The following SLC6A2 variants were observed in gnomAD, a reference collection of about 807,000 sequenced individuals.
SLC6A2 encodes the protein sodium-dependent noradrenaline transporter.
Under a neutral mutation model 71.7 loss-of-function variants are expected in SLC6A2, and 26 were observed. That is an observed-to-expected ratio of 0.36 (90% confidence interval 0.27 to 0.50). SLC6A2 has a LOEUF of 0.50. Ranked by LOEUF, SLC6A2 falls within the 20% of genes least tolerant of loss-of-function variation. The probability of loss-of-function intolerance (pLI) is 0.96; values close to 1 mark genes in which losing one functional copy is unlikely to be tolerated. For missense variants in SLC6A2, 581 were observed against 803.9 expected, an observed-to-expected ratio of 0.72 and a Z score of 3.35; for synonymous variants, 363 against 337.9, an observed-to-expected ratio of 1.07 and a Z score of -0.82.
At chr16:55,699,789 G>C (rs779080671) in intron 12 of SLC6A2, 135 bp downstream of exon 12, 1 of 734,378 alleles carries the variant, frequency 1.4e-6, no homozygotes, top group Non-Finnish European at 2.4e-6. Context: ...GGGGTCACTT[G>C]GGATGCTTGG....
At chr16:55,700,388 G>T in intron 13 of SLC6A2, 82 bp downstream of exon 13, 2 of 1,276,642 alleles carry the variant, frequency 1.6e-6, no homozygotes, top group East Asian at 2.4e-5. Flanking sequence ...CTGTTGGGGT[G>T]GGGGAAGGGA....
chr16:55,656,284 G>C lies in SLC6A2; in HGVS notation c.-52+115G>C, dbSNP rs1032525064. Reference sequence around the variant, plus strand: ...GCAGTGACGTTAAGTGTCCGAGAAGGCTCCTGTGGCTGTTGAAGTGTCGCG... The same window carrying C: ...GCAGTGACGTTAAGTGTCCGAGAAGCCTCCTGTGGCTGTTGAAGTGTCGCG... On this transcript the variant is annotated intron_variant, in intron 1 of 14. Coordinates refer to ENST00000568943, the MANE Select transcript of SLC6A2 (RefSeq NM_001172501.3). The surrounding 1 kb of genome is among the most constrained non-coding windows in gnomAD (Gnocchi z 4.5). 7 of 324,586 alleles carry C rather than the reference G, an allele frequency of 2.2e-5. No homozygotes were observed. The highest frequency in any genetic ancestry group is 1.2e-4 in the South Asian group (4 of 34,704). The allele number at this position is 324,586 out of a possible 1,614,324, so 20.1% of individuals were successfully genotyped here.
At chr16:55,700,774 G>C (rs1333166295) in intron 13 of SLC6A2, among the ~76,000 whole-genome samples, 1 of 152,090 alleles carries the variant, frequency 6.6e-6, no homozygotes, top group Non-Finnish European at 1.5e-5. Flanking sequence ...CTAAACCAGA[G>C]ATTTCTGAAC....
At chr16:55,668,889 G>A (rs1400098642) in intron 2 of SLC6A2, among the ~76,000 whole-genome samples, 1 of 152,104 alleles carries the variant, frequency 6.6e-6, no homozygotes, top group Non-Finnish European at 1.5e-5. Flanking sequence ...ATGTGAATCC[G>A]GCTTCCATCA....
chr16:55,658,068 C>G (rs895104346), intron 2 of SLC6A2, among the ~76,000 whole-genome samples: 1 of 152,198 alleles, frequency 6.6e-6, no homozygotes, highest in East Asian at 1.9e-4. Context: ...TGACTCTGGA[C>G]TTAAGGGAGG....
intron 7 of SLC6A2, among the ~76,000 whole-genome samples, chr16:55,694,824 G>T (rs1287211849): frequency 1.3e-5 from 2 of 152,182 alleles, no homozygotes; most frequent in African/African-American, 4.8e-5. Flanking sequence ...GGAGTGGACT[G>T]CATGCACTGG....
At chr16:55,681,861 C>T (rs1248549156) in intron 4 of SLC6A2, among the ~76,000 whole-genome samples, 1 of 152,142 alleles carries the variant, frequency 6.6e-6, no homozygotes, top group East Asian at 1.9e-4. Flanking sequence ...CAGGGAAGGA[C>T]GATATATTAA....
intron 5 of SLC6A2, among the ~76,000 whole-genome samples, chr16:55,689,442 A>G (rs1351813334): frequency 6.6e-6 from 1 of 152,240 alleles, no homozygotes; most frequent in African/African-American, 2.4e-5. Context: ...ATGGCCAACA[A>G]ACATGGCCAA....
At chr16:55,688,128 T>C (rs1188946069) in intron 5 of SLC6A2, among the ~76,000 whole-genome samples, 1 of 152,228 alleles carries the variant, frequency 6.6e-6, no homozygotes. Context: ...CTGTGCTCTG[T>C]CTTTAATTGT....
At chr16:55,681,881 C>T (rs1451022052) in intron 4 of SLC6A2, among the ~76,000 whole-genome samples, 1 of 152,164 alleles carries the variant, frequency 6.6e-6, no homozygotes, top group Non-Finnish European at 1.5e-5. Flanking sequence ...AGCTGTTTGC[C>T]TTTAACACTT....
At chr16:55,700,769 C>T (rs1440382678) in intron 13 of SLC6A2, among the ~76,000 whole-genome samples, 1 of 152,130 alleles carries the variant, frequency 6.6e-6, no homozygotes, top group Non-Finnish European at 1.5e-5. Context: ...TCAGCCTAAA[C>T]CAGAGATTTC....
intron 5 of SLC6A2, among the ~76,000 whole-genome samples, chr16:55,690,740 C>A (rs915084813): frequency 6.6e-6 from 1 of 152,176 alleles, no homozygotes; most frequent in African/African-American, 2.4e-5. Context: ...TTCAGGCCTA[C>A]CCCTGACCAA....
At chr16:55,679,710 A>T (rs1211810310) in intron 4 of SLC6A2, among the ~76,000 whole-genome samples, 2 of 152,214 alleles carry the variant, frequency 1.3e-5, no homozygotes, top group Non-Finnish European at 2.9e-5. Flanking sequence ...AAGGAACAGA[A>T]GGTCCCAAGG....
chr16:55,681,536 T>C (rs1324274999), intron 4 of SLC6A2, among the ~76,000 whole-genome samples: 2 of 152,254 alleles, frequency 1.3e-5, no homozygotes, highest in African/African-American at 4.8e-5. Flanking sequence ...TTTTCCTTCA[T>C]ATTCTTTCAA....
chr16:55,685,008 G>A, intron 4 of SLC6A2, 135 bp from the exon 5 acceptor site: 1 of 834,676 alleles, frequency 1.2e-6, no homozygotes, highest in Non-Finnish European at 2.0e-6. Flanking sequence ...CAGTGGCTAG[G>A]GTCCCTGAGT....
At chr16:55,679,518 C>T (rs1258386319) in intron 4 of SLC6A2, among the ~76,000 whole-genome samples, 4 of 152,258 alleles carry the variant, frequency 2.6e-5, no homozygotes, top group African/African-American at 9.6e-5. Context: ...TGAGCCACCA[C>T]ACCCAGCCTG....
intron 5 of SLC6A2, among the ~76,000 whole-genome samples, chr16:55,690,393 C>A (rs1442076934): frequency 1.3e-5 from 2 of 152,138 alleles, no homozygotes; most frequent in African/African-American, 4.8e-5. Flanking sequence ...TTTTCTATAT[C>A]CCCATTTTTT....
intron 4 of SLC6A2, among the ~76,000 whole-genome samples, chr16:55,679,527 TG>T (rs1279832435): frequency 6.6e-6 from 1 of 152,246 alleles, no homozygotes; most frequent in African/African-American, 2.4e-5. Flanking sequence ...ACACCCAGCC[TG>T]GTCCTCTGTC....
chr16:55,701,975 C>T lies in SLC6A2; in HGVS notation c.1830+41C>T, dbSNP rs11568332. 202 of 1,482,806 alleles carry T rather than the reference C, an allele frequency of 1.4e-4. No individual in the cohort carries two copies. The African/African-American group carries it at 2.1e-3, about 15-fold the overall frequency. The allele number at this position is 1,482,806 out of a possible 1,614,324, so 91.9% of individuals were successfully genotyped here. A position where few individuals can be genotyped will look rare whatever the true frequency, so the allele number is the denominator to read the frequency against. ...ACCCCTGGGGTGGAGATTACAAGGG[C>T]GGGCCCTGGCTGTTCCCTGCTGTGC... On this transcript the variant is annotated intron_variant, in intron 14 of 14. Coordinates refer to ENST00000568943, the MANE Select transcript of SLC6A2 (RefSeq NM_001172501.3).
Sources: allele counts gnomAD v4.1 joint callset (sites outside exome capture counted in the v4.1 genomes callset), GRCh38; gene constraint gnomAD v4.1.1; non-coding constraint Gnocchi (gnomAD v3.1); transcripts MANE v1.5; gene names NCBI Gene and HGNC (gene_info 2026-07-23, HGNC 2026-07-21).